SLC25A48: variants seen among roughly 807,000 people sequenced by gnomAD.
SLC25A48 encodes solute carrier family 25 member 48, also known as CTC-321K16.1.
In SLC25A48, 29 loss-of-function variants were observed where a neutral mutation model predicts 32.2. That is an observed-to-expected ratio of 0.90 (90% CI 0.67 to 1.23). The LOEUF (loss-of-function observed/expected upper bound fraction) is 1.23, where lower values mean the gene tolerates loss of function less well. SLC25A48 is among the 50% of genes most tolerant of loss of function. The pLI, the probability that SLC25A48 is intolerant of heterozygous loss-of-function variation, is 0.00. For missense variants in SLC25A48, 399 were observed against 422.7 expected (o/e 0.94, Z 0.49); for synonymous variants, 164 against 172.3 (o/e 0.95, Z 0.38).
intron 3 of SLC25A48, among the ~76,000 whole-genome samples, chr5:135,781,194 C>T (rs1464322566): frequency 8.6e-6 from 1 of 115,792 alleles, no homozygotes; most frequent in African/African-American, 2.6e-5. Flanking sequence ...TTCCCAATAT[C>T]ACAGGCGATG....
At chr5:135,691,791 T>A (rs571641805) in intron 3 of SLC25A48, among the ~76,000 whole-genome samples, 1 of 152,282 alleles carries the variant, frequency 6.6e-6, no homozygotes, top group African/African-American at 2.4e-5. Context: ...CCTGGGGTTG[T>A]GTAAGGCTTA....
At chr5:135,607,860 TGACATCAGGA>T (rs1299937732) in intron 1 of SLC25A48, among the ~76,000 whole-genome samples, 17 of 152,232 alleles carry the variant, frequency 1.1e-4, no homozygotes, top group Admixed American at 9.2e-4. Context: ...TTTATGGGGC[TGACATCAGGA>T]GATTTGAGTT....
At chr5:135,788,321 A>G (rs867116757) in intron 3 of SLC25A48, among the ~76,000 whole-genome samples, 34 of 136,942 alleles carry the variant, frequency 2.5e-4, no homozygotes, top group African/African-American at 7.6e-4. Flanking sequence ...ATCCGGGGGG[A>G]GAGAGGTGAT....
Position 135,723,369 on chromosome 5 carries a change from C to A in SLC25A48, c.-521+88413C>A, listed in dbSNP as rs1755008267. ...GAAGGGAGTCTGTCTCTCACTCTCT[C>A]TCTCTCTCTCTCACACACACACACA... On this transcript the variant is annotated intron_variant, in intron 3 of 10. Transcript: ENST00000646290. 2.0e-5 allele frequency among the ~76,000 whole-genome samples: 2 copies of A among 97,786 alleles called. 1 individual carries two copies. Among genetic ancestry groups the A allele is most frequent in the Admixed American group, 1.9e-4 (2 of 10,428 alleles). The allele number at this position is 97,786 out of a possible 152,430, so 64.2% of individuals were successfully genotyped here.
intron 3 of SLC25A48, among the ~76,000 whole-genome samples, chr5:135,771,491 A>G (rs1756409322): frequency 6.6e-6 from 1 of 151,430 alleles, no homozygotes; most frequent in African/African-American, 2.4e-5. Context: ...CCCCTGTGAT[A>G]TGGTTCGTAA....
intron 3 of SLC25A48, among the ~76,000 whole-genome samples, chr5:135,759,994 T>C (rs1410128083): frequency 6.6e-6 from 1 of 151,908 alleles, no homozygotes; most frequent in Non-Finnish European, 1.5e-5. Flanking sequence ...CACGTCCAGC[T>C]AATTTTTGTA....
At chr5:135,802,974 T>A (rs1292754261) in intron 3 of SLC25A48, 1 of 151,424 alleles carries the variant, frequency 6.6e-6, no homozygotes, top group Non-Finnish European at 1.5e-5. Context: ...ACTTCTAATA[T>A]CACAGTAGGG....
At chr5:135,755,270 C>T (rs1755868699) in intron 3 of SLC25A48, among the ~76,000 whole-genome samples, 1 of 152,068 alleles carries the variant, frequency 6.6e-6, no homozygotes, top group African/African-American at 2.4e-5. Context: ...TGTTCACACA[C>T]AGTGTTTACA....
chr5:135,655,094 GA>G (rs1249588808), intron 3 of SLC25A48, among the ~76,000 whole-genome samples: 58 of 152,304 alleles, frequency 3.8e-4, no homozygotes, highest in African/African-American at 1.3e-3. Flanking sequence ...TCCAGATTGT[GA>G]ATAGGTTGTT....
At chr5:135,626,726 T>A (rs1752448627) in intron 1 of SLC25A48, among the ~76,000 whole-genome samples, 1 of 152,192 alleles carries the variant, frequency 6.6e-6, no homozygotes, top group Non-Finnish European at 1.5e-5. Flanking sequence ...TCAGGTCGAC[T>A]ATATCATCCT....
chr5:135,772,997 A>T (rs1756453523), intron 3 of SLC25A48, among the ~76,000 whole-genome samples: 1 of 149,224 alleles, frequency 6.7e-6, no homozygotes, highest in Middle Eastern at 3.4e-3. Context: ...ATCAAGAAGA[A>T]AAGAGGATGG....
chr5:135,594,293 A>T (rs754801353), intron 1 of SLC25A48, among the ~76,000 whole-genome samples: 2 of 152,218 alleles, frequency 1.3e-5, no homozygotes, highest in East Asian at 3.8e-4. Flanking sequence ...AAGTGGCTTC[A>T]GTTGGGGATA....
At chr5:135,865,307 G>A (rs551785643) in intron 4 of SLC25A48, among the ~76,000 whole-genome samples, 1 of 152,176 alleles carries the variant, frequency 6.6e-6, no homozygotes, top group East Asian at 1.9e-4. Context: ...ACAGGAACTA[G>A]GTAGGAGCTT....
At chr5:135,777,941 G>A (rs1237475198) in intron 3 of SLC25A48, among the ~76,000 whole-genome samples, 4 of 151,768 alleles carry the variant, frequency 2.6e-5, no homozygotes, top group African/African-American at 9.7e-5. Context: ...AGTATCCTGG[G>A]CTGAGGGACA....
intron 7 of SLC25A48, among the ~76,000 whole-genome samples, chr5:135,886,633 ATAT>A (rs1561567773): frequency 2.3e-4 from 6 of 25,722 alleles, no homozygotes; most frequent in Admixed American, 3.7e-4. Flanking sequence ...ATATATATAT[ATAT>A]AAAATATATA....
intron 4 of SLC25A48, chr5:135,826,669 G>A (rs778391993): frequency 1.3e-5 from 2 of 152,292 alleles, no homozygotes; most frequent in Admixed American, 6.5e-5. Context: ...ATAATCATGG[G>A]TTGTAGACAC....
intron 3 of SLC25A48, among the ~76,000 whole-genome samples, chr5:135,745,957 G>A (rs768346810): frequency 3.9e-5 from 6 of 152,028 alleles, no homozygotes; most frequent in East Asian, 1.9e-4. Flanking sequence ...CTTCTGTCCC[G>A]GATCCTCTTA....
intron 3 of SLC25A48, among the ~76,000 whole-genome samples, chr5:135,772,363 G>T (rs1409821762): frequency 6.6e-6 from 1 of 150,658 alleles, no homozygotes; most frequent in Non-Finnish European, 1.5e-5. Flanking sequence ...CTCCCAATAT[G>T]CAGGGTGTGT....
chr5:135,843,725 C>T (rs1189728863), intron 2 of SLC25A48, among the ~76,000 whole-genome samples: 2 of 152,130 alleles, frequency 1.3e-5, no homozygotes, highest in Non-Finnish European at 2.9e-5. Context: ...AGTGCAAAGC[C>T]CCAAGGGTGG....
Sources: gnomAD v4.1 joint callset for allele counts (sites outside exome capture counted in the v4.1 genomes callset) on GRCh38, gnomAD v4.1.1 for gene constraint, MANE v1.5 for transcripts, NCBI Gene and HGNC (gene_info 2026-07-23, HGNC 2026-07-21) for gene names.